SEMA6D: variants seen among roughly 807,000 people sequenced by gnomAD.
SEMA6D encodes the protein semaphorin 6D.
A neutral mutation model predicts 106.6 loss-of-function variants in SEMA6D; 35 were observed. That is an observed-to-expected ratio of 0.33 (90% CI 0.25 to 0.44). The LOEUF (loss-of-function observed/expected upper bound fraction) is 0.44. Ranked by LOEUF, SEMA6D falls within the 20% of genes least tolerant of loss-of-function variation. The pLI, the probability that SEMA6D is intolerant of heterozygous loss-of-function variation, is 1.00. For synonymous variants in SEMA6D, 499 were observed against 487.7 expected (o/e 1.02, Z -0.31); for missense variants, 1,185 against 1,345.9 (o/e 0.88, Z 1.87).
chr15:47,545,478 G>A (rs2045492314), intron 3 of SEMA6D, among the ~76,000 whole-genome samples: 1 of 152,040 alleles, frequency 6.6e-6, no homozygotes, highest in Admixed American at 6.6e-5. Flanking sequence ...CCTTACCACA[G>A]GGCCAGAGTG....
Position 47,347,149 on chromosome 15 carries a change from C to T in SEMA6D, c.-238-65244C>T, listed in dbSNP as rs564351644. 6.6e-4 allele frequency among the ~76,000 whole-genome samples: 100 copies of T among 152,266 alleles called. No individual in the cohort carries two copies. In the Middle Eastern group the frequency reaches 0.02, roughly 31 times the overall value. On this transcript the variant is annotated intron_variant, in intron 1 of 19. Coordinates refer to the SEMA6D transcript ENST00000558014. ...TCTTGAATTCCTGACCTCAGGAGATCCGCCCGCCTCAGCCTCCCAAAGTGC... is the reference window on the plus strand; with the variant it reads ...TCTTGAATTCCTGACCTCAGGAGATTCGCCCGCCTCAGCCTCCCAAAGTGC...
At chr15:47,470,633 C>T (rs2042807373) in intron 3 of SEMA6D, 1 of 151,994 alleles carries the variant, frequency 6.6e-6, no homozygotes, top group African/African-American at 2.4e-5. Flanking sequence ...AAGATTCATT[C>T]CTTTAGGGAA....
At chr15:47,605,153 G>A (rs1021544238) in intron 4 of SEMA6D, 1 of 152,328 alleles carries the variant, frequency 6.6e-6, no homozygotes, top group Middle Eastern at 3.4e-3. Flanking sequence ...AATCTAAGAT[G>A]TTGGTACCTC....
intron 2 of SEMA6D, among the ~76,000 whole-genome samples, chr15:47,468,549 T>C (rs540660730): frequency 1.1e-3 from 163 of 152,254 alleles, no homozygotes; most frequent in Admixed American, 0.01. Flanking sequence ...TGAAGTGAGC[T>C]GTGTTACGTG....
intron 4 of SEMA6D, among the ~76,000 whole-genome samples, chr15:47,664,764 G>C (rs2077992517): frequency 6.6e-6 from 1 of 152,218 alleles, no homozygotes; most frequent in Admixed American, 6.5e-5. Flanking sequence ...CTGAGCATCT[G>C]ATTGCAAAGT....
upstream of SEMA6D, chr15:47,717,374 G>C (rs2079148810): frequency 6.6e-6 from 1 of 152,020 alleles, no homozygotes; most frequent in Non-Finnish European, 1.5e-5. Flanking sequence ...GTCCGTGCCC[G>C]GGGGTGGGAC....
chr15:47,662,857 GCACACACACA>G (rs140613951), intron 4 of SEMA6D, among the ~76,000 whole-genome samples: 2 of 134,062 alleles, frequency 1.5e-5, no homozygotes, highest in East Asian at 2.8e-4. Flanking sequence ...GTGTATGAGC[GCACACACACA>G]CACACACACA....
At chr15:47,208,470 G>A (rs1034800034) in intron 1 of SEMA6D, among the ~76,000 whole-genome samples, 2 of 152,094 alleles carry the variant, frequency 1.3e-5, no homozygotes, top group African/African-American at 4.8e-5. Flanking sequence ...TTCAGAAGAG[G>A]CTTGTAGGCT....
intron 3 of SEMA6D, among the ~76,000 whole-genome samples, chr15:47,492,010 G>GT (rs746537324): frequency 5.3e-5 from 8 of 152,164 alleles, no homozygotes; most frequent in Non-Finnish European, 8.8e-5. Flanking sequence ...AGGCTTCAGA[G>GT]TTTTAGATCC....
chr15:47,191,123 G>T (rs964694916), intron 1 of SEMA6D, among the ~76,000 whole-genome samples: 10 of 152,028 alleles, frequency 6.6e-5, no homozygotes, highest in African/African-American at 2.4e-4. Context: ...GCAGAGAGCC[G>T]TGATTGTGCC....
intron 1 of SEMA6D, among the ~76,000 whole-genome samples, chr15:47,296,964 A>G (rs1281888522): frequency 6.6e-6 from 1 of 152,212 alleles, no homozygotes; most frequent in Non-Finnish European, 1.5e-5. Context: ...GGCTGTAATT[A>G]TAACACAGCC....
At chr15:47,373,439 C>G (rs2039346003) in intron 1 of SEMA6D, among the ~76,000 whole-genome samples, 1 of 152,100 alleles carries the variant, frequency 6.6e-6, no homozygotes, top group South Asian at 2.1e-4. Context: ...CTATGATCAG[C>G]ATCTTTTCAG....
chr15:47,263,015 AC>A (rs138464635), intron 1 of SEMA6D, among the ~76,000 whole-genome samples: 115,237 of 151,868 alleles, frequency 0.76, 47,005 homozygotes, highest in Non-Finnish European at 0.92. Flanking sequence ...TTAAAACTGG[AC>A]CCCCTTTTTT....
intron 1 of SEMA6D, among the ~76,000 whole-genome samples, chr15:47,187,350 T>G (rs993689729): frequency 4.6e-5 from 7 of 152,176 alleles, no homozygotes; most frequent in Non-Finnish European, 7.4e-5. Context: ...TGAACCAATC[T>G]CAAGATTTTT....
intron 1 of SEMA6D, among the ~76,000 whole-genome samples, chr15:47,364,774 C>A (rs1487252828): frequency 6.7e-6 from 1 of 148,996 alleles, no homozygotes; most frequent in Non-Finnish European, 1.5e-5. Flanking sequence ...TCCTCCCCAT[C>A]CCCCAACCCA....
upstream of SEMA6D, among the ~76,000 whole-genome samples, chr15:47,714,746 G>A (rs2079080000): frequency 6.6e-6 from 1 of 152,140 alleles, no homozygotes; most frequent in African/African-American, 2.4e-5. Flanking sequence ...GCTGAGTCCT[G>A]GGGACGCAGG....
At chr15:47,592,582 G>T (rs947721493) in intron 3 of SEMA6D, among the ~76,000 whole-genome samples, 2 of 152,118 alleles carry the variant, frequency 1.3e-5, no homozygotes, top group Non-Finnish European at 2.9e-5. Context: ...TAACTGTATG[G>T]TAATTGCAAG....
At chr15:47,527,279 T>C (rs79804432) in intron 3 of SEMA6D, among the ~76,000 whole-genome samples, 3,112 of 152,014 alleles carry the variant, frequency 0.02, 113 homozygotes, top group African/African-American at 0.072. Context: ...AAGAAGAAAT[T>C]TTGAAAAAAA....
At chr15:47,240,085 G>A (rs1886970291) in intron 1 of SEMA6D, among the ~76,000 whole-genome samples, 2 of 152,076 alleles carry the variant, frequency 1.3e-5, no homozygotes, top group African/African-American at 4.8e-5. Flanking sequence ...TATACATATG[G>A]TAATTGGTCA....
Sources: allele counts gnomAD v4.1 joint callset (sites outside exome capture counted in the v4.1 genomes callset), GRCh38; gene constraint gnomAD v4.1.1; transcripts MANE v1.5; gene names NCBI Gene and HGNC (gene_info 2026-07-23, HGNC 2026-07-21).